The following TENM2 variants were observed in gnomAD, a reference collection of about 807,000 sequenced individuals.
TENM2 encodes the protein teneurin-2.
A neutral mutation model predicts 245.2 loss-of-function variants in TENM2; 52 were observed. The observed-to-expected ratio is 0.21, with a 90% CI of 0.17 to 0.27. The LOEUF (loss-of-function observed/expected upper bound fraction) is 0.27, where lower values mean the gene tolerates loss of function less well. TENM2 is among the 10% of genes least tolerant of loss of function. The pLI is 1.00. For synonymous variants in TENM2, 1,363 were observed against 1,438.9 expected, an observed-to-expected ratio of 0.95 and a Z score of 1.19; for missense variants, 3,046 against 3,666.8, an observed-to-expected ratio of 0.83 and a Z score of 4.37.
chr5:168,106,928 G>T (rs190437233), intron 9 of TENM2, among the ~76,000 whole-genome samples: 5 of 152,214 alleles, frequency 3.3e-5, no homozygotes, highest in Admixed American at 3.3e-4. Flanking sequence ...GGGCATGGTA[G>T]TGAAGACTGT....
At chr5:167,353,518 T>G (rs1158049693) in intron 1 of TENM2, among the ~76,000 whole-genome samples, 2 of 126,642 alleles carry the variant, frequency 1.6e-5, no homozygotes, top group African/African-American at 6.4e-5. Flanking sequence ...TTTTTTTTTT[T>G]TTTTTTTGAG....
chr5:167,668,880 G>A (rs546338252), intron 2 of TENM2, among the ~76,000 whole-genome samples: 17 of 151,970 alleles, frequency 1.1e-4, no homozygotes, highest in African/African-American at 3.6e-4. Flanking sequence ...CTTGAACCCA[G>A]GAGGCAGAGG....
At chr5:168,193,749 A>G (rs1317888042) in intron 14 of TENM2, among the ~76,000 whole-genome samples, 2 of 152,218 alleles carry the variant, frequency 1.3e-5, no homozygotes, top group Non-Finnish European at 2.9e-5. Flanking sequence ...AACACACATC[A>G]CTGATTTTAA....
chr5:167,263,800 C>G, the TENM2 span, among the ~76,000 whole-genome samples: 1 of 151,982 alleles, frequency 6.6e-6, no homozygotes, highest in Non-Finnish European at 1.5e-5. Context: ...ACAAAGAATT[C>G]CTGGCCAGGC....
At chr5:168,045,538 T>C (rs1197877334) in intron 5 of TENM2, among the ~76,000 whole-genome samples, 1 of 152,158 alleles carries the variant, frequency 6.6e-6, no homozygotes, top group South Asian at 2.1e-4. Context: ...TTGTCATCTT[T>C]GCCTGATGGG....
the TENM2 span, among the ~76,000 whole-genome samples, chr5:167,128,498 G>A: frequency 2.0e-5 from 3 of 151,646 alleles, no homozygotes; most frequent in Non-Finnish European, 4.4e-5. Context: ...TGATATGGAT[G>A]CTGCTGGCCC....
intron 2 of TENM2, among the ~76,000 whole-genome samples, chr5:167,582,831 A>G (rs1459255180): frequency 6.6e-6 from 1 of 152,142 alleles, no homozygotes; most frequent in Admixed American, 6.5e-5. Context: ...CATCCAAAAC[A>G]CTATTTCTCT....
chr5:167,952,108 C>T (rs73372787), intron 3 of TENM2, among the ~76,000 whole-genome samples: 5,019 of 152,296 alleles, frequency 0.033, 201 homozygotes, highest in East Asian at 0.096. Flanking sequence ...CCCACTCCAC[C>T]TTCCTGCCTA....
intron 2 of TENM2, among the ~76,000 whole-genome samples, chr5:167,590,970 G>T (rs1237778277): frequency 1.3e-5 from 2 of 152,126 alleles, no homozygotes; most frequent in Non-Finnish European, 2.9e-5. Context: ...CATCTATCAT[G>T]GGCCAAGTTC....
chr5:167,918,917 C>T (rs562822062), intron 3 of TENM2, among the ~76,000 whole-genome samples: 1 of 152,104 alleles, frequency 6.6e-6, no homozygotes, highest in East Asian at 1.9e-4. Flanking sequence ...AGAATTTCTG[C>T]AATAGCGAGT....
the TENM2 span, among the ~76,000 whole-genome samples, chr5:167,265,155 G>C: frequency 6.6e-6 from 1 of 150,724 alleles, no homozygotes; most frequent in African/African-American, 2.4e-5. Context: ...GTGAAACCCC[G>C]TCTCTACTAA....
In TENM2 at chr5:168,257,615, A is replaced by ATTT. The variant is rs58911868; in HGVS notation, c.7433-2651_7433-2649dup. Among the ~76,000 whole-genome samples the ATTT allele has an allele frequency of 4.0e-4, 53 of 131,002 alleles. 1 individual carries two copies. The highest frequency in any genetic ancestry group is 1.4e-3 in the African/African-American group (48 of 35,342). 85.9% of individuals were successfully genotyped at this position (131,002 alleles called of 152,430 possible). A position where few individuals can be genotyped will look rare whatever the true frequency, so the allele number is the denominator to read the frequency against. On this transcript the variant is annotated intron_variant, in intron 27 of 28. Transcript: ENST00000518659. ...TCAGGAATGTCATGGGCAGCTCCTG[A>ATTT]TTTTTTTTTTTTTTTTTTTGTGACG...
At chr5:167,268,281 CGT>C in the TENM2 span, among the ~76,000 whole-genome samples, 1 of 152,090 alleles carries the variant, frequency 6.6e-6, no homozygotes, top group Admixed American at 6.6e-5. Context: ...TAACTAAACA[CGT>C]ATTATACAGA....
At chr5:167,854,134 A>T (rs1677570694) in intron 2 of TENM2, among the ~76,000 whole-genome samples, 4 of 152,344 alleles carry the variant, frequency 2.6e-5, no homozygotes, top group African/African-American at 9.6e-5. Context: ...ATAAATAATG[A>T]TAAAAAGATG....
the TENM2 span, among the ~76,000 whole-genome samples, chr5:167,200,132 C>T: frequency 6.6e-6 from 1 of 152,024 alleles, no homozygotes; most frequent in Admixed American, 6.5e-5. Context: ...GAAAGTAAGA[C>T]AGAAATACCT....
At chr5:168,061,668 T>C (rs1035561458) in intron 6 of TENM2, among the ~76,000 whole-genome samples, 2 of 152,136 alleles carry the variant, frequency 1.3e-5, no homozygotes, top group Non-Finnish European at 2.9e-5. Flanking sequence ...GAAAGAATAA[T>C]GAAAGGCTAC....
chr5:167,432,220 T>C (rs551961069), intron 2 of TENM2, among the ~76,000 whole-genome samples: 1 of 151,656 alleles, frequency 6.6e-6, no homozygotes, highest in African/African-American at 2.4e-5. Context: ...ATCATCAACG[T>C]GAACTCGTAT....
intron 2 of TENM2, among the ~76,000 whole-genome samples, chr5:167,872,265 A>G (rs1285152247): frequency 6.7e-6 from 1 of 148,974 alleles, no homozygotes; most frequent in African/African-American, 2.5e-5. Flanking sequence ...AAGCAAGACC[A>G]TGTCAAAAAA....
chr5:167,717,372 C>T (rs75009319), intron 2 of TENM2, among the ~76,000 whole-genome samples: 1,835 of 152,178 alleles, frequency 0.012, 48 homozygotes, highest in East Asian at 0.096. Context: ...TCCCGCTACC[C>T]GCCTCACTTT....
Sources: gnomAD v4.1 joint callset for allele counts (sites outside exome capture counted in the v4.1 genomes callset) on GRCh38, gnomAD v4.1.1 for gene constraint, MANE v1.5 for transcripts, NCBI Gene and HGNC (gene_info 2026-07-23, HGNC 2026-07-21) for gene names.